The following LARGE1 variants were observed in gnomAD, a reference collection of about 807,000 sequenced individuals.
LARGE1 encodes the protein xylosyl- and glucuronyltransferase LARGE1.
In LARGE1, 43 loss-of-function variants were observed where a neutral mutation model predicts 87.6. The ratio of observed to expected loss-of-function variants is 0.49; its 90% CI spans 0.38 to 0.63. The LOEUF (loss-of-function observed/expected upper bound fraction) is 0.63, where lower values mean the gene tolerates loss of function less well. Ranked by LOEUF, LARGE1 falls within the 30% of genes least tolerant of loss-of-function variation. LARGE1 has a pLI of 0.00. For missense variants in LARGE1, 802 were observed against 1,000.2 expected (o/e 0.80, Z 2.67); for synonymous variants, 434 against 394.6 (o/e 1.10, Z -1.18).
At chr22:33,277,371 T>A in intron 13 of LARGE1, 116 bp from the exon 14 acceptor site, 1 of 967,978 alleles carries the variant, frequency 1.0e-6, no homozygotes, top group Non-Finnish European at 1.6e-6. Flanking sequence ...TGAGTTGAAC[T>A]GTCTCCCTCC....
intron 9 of LARGE1, among the ~76,000 whole-genome samples, chr22:33,353,354 A>AG (rs1301183854): frequency 6.6e-6 from 1 of 152,186 alleles, no homozygotes; most frequent in Non-Finnish European, 1.5e-5. Flanking sequence ...ATCAGAATAA[A>AG]GGACAATAAA....
At chr22:33,626,566 G>C (rs973322266) in intron 3 of LARGE1, among the ~76,000 whole-genome samples, 3 of 152,134 alleles carry the variant, frequency 2.0e-5, no homozygotes, top group Non-Finnish European at 4.4e-5. Context: ...TACATTTTGG[G>C]GACAAGAGAG....
At chr22:33,868,281 C>T (rs1218820640) in intron 1 of LARGE1, among the ~76,000 whole-genome samples, 1 of 152,178 alleles carries the variant, frequency 6.6e-6, no homozygotes, top group Non-Finnish European at 1.5e-5. Flanking sequence ...GCAGAAACAC[C>T]TGAGAAACGC....
intron 5 of LARGE1, among the ~76,000 whole-genome samples, chr22:33,572,543 A>G (rs1403622853): frequency 6.6e-6 from 1 of 152,224 alleles, no homozygotes; most frequent in Non-Finnish European, 1.5e-5. Context: ...TAAATGAGGT[A>G]GGAGAGTCAA....
intron 6 of LARGE1, among the ~76,000 whole-genome samples, chr22:33,495,015 T>C (rs550037131): frequency 9.9e-5 from 15 of 152,224 alleles, no homozygotes; most frequent in South Asian, 4.1e-4. Flanking sequence ...CTGTGGCTGA[T>C]TTCCTCGTTC....
chr22:33,788,663 A>C (rs901327340), intron 1 of LARGE1, among the ~76,000 whole-genome samples: 1 of 152,194 alleles, frequency 6.6e-6, no homozygotes, highest in African/African-American at 2.4e-5. Context: ...ACTGGAATAA[A>C]GGTGACTCTT....
rs117734301 is a variant in LARGE1, at chr22:33,481,072, G to A, written c.788-48807C>T. Among the ~76,000 whole-genome samples, 393 of 151,914 alleles carry A rather than the reference G, an allele frequency of 2.6e-3. 10 individuals are homozygous for A. The East Asian group carries it at 0.061, about 24-fold the overall frequency. The stretch of plus-strand genomic sequence containing the variant: ...TCTTATAATTTCCTGGAAATGAAAT[G>A]GCTGTGTCAAATATATACATATTTT... On this transcript the variant is annotated intron_variant, in intron 6 of 14. Transcript: ENST00000397394.
chr22:33,888,033 T>C (rs547878881), intron 1 of LARGE1, among the ~76,000 whole-genome samples: 1 of 152,288 alleles, frequency 6.6e-6, no homozygotes, highest in East Asian at 1.9e-4. Flanking sequence ...ATGGAGCTCA[T>C]TCCATCGTTC....
chr22:33,340,406 A>T (rs886280762), intron 9 of LARGE1, among the ~76,000 whole-genome samples: 1 of 151,890 alleles, frequency 6.6e-6, no homozygotes, highest in Non-Finnish European at 1.5e-5. Flanking sequence ...AGAGGGTCCA[A>T]GGGGACAGGT....
At position 33,218,100 on chromosome 22, in the gene LARGE1, G is replaced by T. The variant is rs545279225; in HGVS notation, c.1731-51268C>A. Reference sequence around the variant, plus strand: ...GCCTGCCACCATGCCCAGCTAATCTGTGTATTTTTAGTAGAGGTGGGATTT... The same window carrying T: ...GCCTGCCACCATGCCCAGCTAATCTTTGTATTTTTAGTAGAGGTGGGATTT... On this transcript the variant is annotated intron_variant, in intron 11 of 11. Transcript: ENST00000608642. Among the ~76,000 whole-genome samples, 3 of 151,906 alleles carry T rather than the reference G, an allele frequency of 2.0e-5. No homozygotes were observed. The South Asian group carries it at 6.2e-4, about 32-fold the overall frequency.
At chr22:33,241,314 C>A (rs1926502273) in intron 11 of LARGE1, among the ~76,000 whole-genome samples, 2 of 152,090 alleles carry the variant, frequency 1.3e-5, no homozygotes, top group Admixed American at 6.5e-5. Flanking sequence ...GAAGCCTCCC[C>A]TGATTCTTCA....
At chr22:33,256,488 A>T (rs1240457459) in intron 11 of LARGE1, among the ~76,000 whole-genome samples, 1 of 152,160 alleles carries the variant, frequency 6.6e-6, no homozygotes, top group African/African-American at 2.4e-5. Context: ...TAAAATGGGG[A>T]TAATTAATCT....
In LARGE1 at chr22:33,419,903, A is replaced by G. The variant is rs2066633200; in HGVS notation, c.892+12258T>C. On this transcript the variant is annotated intron_variant, in intron 7 of 14. Coordinates refer to ENST00000397394, the MANE Select transcript of LARGE1 (RefSeq NM_133642.5). ...GAGGTGGGGTTTCACCATGTTGGCC[A>G]GGCTGGTCTCGAACTCCTGACCTCA... Among the ~76,000 whole-genome samples the G allele has an allele frequency of 2.0e-5, 3 of 152,122 alleles. No individual in the cohort carries two copies. In the South Asian group the frequency reaches 6.2e-4, roughly 32 times the overall value.
At position 33,280,105 on chromosome 22, in the gene LARGE1, C is replaced by A. The variant is rs1273601643; in HGVS notation, c.1878-2850G>T. On this transcript the variant is annotated intron_variant, in intron 13 of 14. Transcript: ENST00000397394. ...AATTCAATAAATGCTAGTTTTATAA[C>A]AAAGTGGTTAAAAGCAATGGTTCTG... Among the ~76,000 whole-genome samples, 4 of 152,180 alleles carry A rather than the reference C, an allele frequency of 2.6e-5. No individual in the cohort carries two copies. The East Asian group carries it at 7.7e-4, about 29-fold the overall frequency.
Position 33,346,050 on chromosome 22 carries a change from T to G in LARGE1, c.1132-8249A>C, listed in dbSNP as rs1939704365. On this transcript the variant is annotated intron_variant, in intron 9 of 14. Transcript: ENST00000397394. ...ACCCACAGAATAACACCTAGCCTGA[T>G]AGGTAGGCCTGATGCAAACTGCCTC... Among the ~76,000 whole-genome samples, 2 of 152,192 alleles carry G rather than the reference T, an allele frequency of 1.3e-5. 1 individual carries two copies. Among genetic ancestry groups the G allele is most frequent in the South Asian group, 4.1e-4 (2 of 4,832 alleles).
chr22:33,388,320 A>T (rs143735955), intron 7 of LARGE1, among the ~76,000 whole-genome samples: 119 of 152,368 alleles, frequency 7.8e-4, no homozygotes, highest in Non-Finnish European at 1.2e-3. Context: ...TGCAGCTTCC[A>T]AAGTTGGACC....
intron 11 of LARGE1, among the ~76,000 whole-genome samples, chr22:33,198,150 G>C (rs945325637): frequency 6.6e-6 from 1 of 152,054 alleles, no homozygotes; most frequent in Non-Finnish European, 1.5e-5. Context: ...TGGTGGGTGG[G>C]GGGAACAGGA....
At chr22:33,366,724 A>G (rs2064606632) in intron 9 of LARGE1, among the ~76,000 whole-genome samples, 3 of 152,184 alleles carry the variant, frequency 2.0e-5, no homozygotes, top group Admixed American at 1.3e-4. Flanking sequence ...TGGAACTGTG[A>G]GTCAATTACA....
At chr22:33,875,537 C>G (rs2064435721) in intron 1 of LARGE1, among the ~76,000 whole-genome samples, 1 of 152,194 alleles carries the variant, frequency 6.6e-6, no homozygotes, top group African/African-American at 2.4e-5. Flanking sequence ...ATGGCCCTCC[C>G]CAGCCCGCCA....
Sources: gnomAD v4.1 joint callset for allele counts (sites outside exome capture counted in the v4.1 genomes callset) on GRCh38, gnomAD v4.1.1 for gene constraint, MANE v1.5 for transcripts, NCBI Gene and HGNC (gene_info 2026-07-23, HGNC 2026-07-21) for gene names.